The following SOX6 variants were observed in gnomAD, a reference collection of about 807,000 sequenced individuals.
SOX6 encodes SRY-box transcription factor 6.
In SOX6, 11 loss-of-function variants were observed where a neutral mutation model predicts 97.8. That is an observed-to-expected ratio of 0.11 (90% CI 0.07 to 0.19). The LOEUF (loss-of-function observed/expected upper bound fraction) is 0.19, where lower values mean the gene tolerates loss of function less well. Among genes scored for constraint, SOX6 ranks in the 10% least tolerant of loss-of-function variants. The pLI is 1.00. For synonymous variants in SOX6, 360 were observed against 371.4 expected, an observed-to-expected ratio of 0.97 and a Z score of 0.35; for missense variants, 810 against 1,039.5, an observed-to-expected ratio of 0.78 and a Z score of 3.04.
At chr11:16,148,414 T>C (rs1008794501) in intron 6 of SOX6, among the ~76,000 whole-genome samples, 1 of 152,142 alleles carries the variant, frequency 6.6e-6, no homozygotes, top group Non-Finnish European at 1.5e-5. Flanking sequence ...GTAACTTTAT[T>C]GCAGGCACAT....
At chr11:16,128,292 T>G (rs1016331207) in intron 6 of SOX6, among the ~76,000 whole-genome samples, 7 of 152,204 alleles carry the variant, frequency 4.6e-5, no homozygotes, top group African/African-American at 1.7e-4. Flanking sequence ...TACATTCACA[T>G]AAAAATGTAA....
At chr11:16,506,401 T>A (rs1860789678) in intron 4 of SOX6, among the ~76,000 whole-genome samples, 1 of 152,216 alleles carries the variant, frequency 6.6e-6, no homozygotes, top group Non-Finnish European at 1.5e-5. Context: ...CCCCAATGCC[T>A]ATACCCCCAT....
chr11:16,672,299 T>C (rs959430057), intron 3 of SOX6, among the ~76,000 whole-genome samples: 1 of 152,142 alleles, frequency 6.6e-6, no homozygotes, highest in African/African-American at 2.4e-5. Flanking sequence ...CACATATCAA[T>C]ACTAACCTAA....
intron 12 of SOX6, among the ~76,000 whole-genome samples, chr11:16,028,584 T>A (rs1855272244): frequency 6.6e-6 from 1 of 152,224 alleles, no homozygotes; most frequent in Non-Finnish European, 1.5e-5. Context: ...TGTTCCCACA[T>A]CACTGTTACA....
intron 3 of SOX6, among the ~76,000 whole-genome samples, chr11:16,273,908 C>A (rs11023900): frequency 2.7e-3 from 408 of 151,894 alleles, no homozygotes; most frequent in South Asian, 5.4e-3. Flanking sequence ...AATTCATATA[C>A]ATATAGAATA....
Position 16,064,706 on chromosome 11 carries a change from G to A in SOX6, c.1102-8805C>T, listed in dbSNP as rs145327238. Among the ~76,000 whole-genome samples the A allele has an allele frequency of 8.0e-3, 1,209 of 151,744 alleles. 19 individuals carry two copies. Among genetic ancestry groups the A allele is most frequent in the African/African-American group, 0.027 (1,119 of 41,460 alleles). On this transcript the variant is annotated intron_variant, in intron 9 of 15. Transcript: ENST00000683767. ...TTTATCCCTGGGATGCAAGGATGGCGCAACATATACAAATCAATCAATGTG... is the reference window on the plus strand; with the variant it reads ...TTTATCCCTGGGATGCAAGGATGGCACAACATATACAAATCAATCAATGTG...
At position 16,717,582 on chromosome 11, in the gene SOX6, T is replaced by C. The variant is rs939007127; in HGVS notation, n.354-2677A>G. ...AAGAATTGGTAACCTATGTCCTTTG[T>C]ATATCTTTTTGAAACTTACTCTTCA... is the stretch of plus-strand genomic sequence containing the variant. On this transcript the variant is annotated intron_variant and non_coding_transcript_variant, in intron 2 of 5. Transcript: ENST00000524520. 2.6e-5 allele frequency among the ~76,000 whole-genome samples: 4 copies of C among 152,166 alleles called. No homozygotes were observed. In the East Asian group the frequency reaches 7.7e-4, roughly 29 times the overall value.
At position 16,034,699 on chromosome 11, in the gene SOX6, G is replaced by A. The variant is rs149688663; in HGVS notation, c.1623+11815C>T. ...GAAGGGAGTAGAACACATACACGAA[G>A]ACTTATACAGACAACACACATACAC... On this transcript the variant is annotated intron_variant, in intron 12 of 15. Transcript: ENST00000683767. Among the ~76,000 whole-genome samples, 27 of 152,174 alleles carry A rather than the reference G, an allele frequency of 1.8e-4. No individual in the cohort carries two copies. The East Asian group carries it at 5.0e-3, about 28-fold the overall frequency.
chr11:16,598,437 T>C (rs1848234629), intron 4 of SOX6, among the ~76,000 whole-genome samples: 1 of 152,078 alleles, frequency 6.6e-6, no homozygotes, highest in Admixed American at 6.5e-5. Context: ...AACAACCTGC[T>C]TAGCATCAAG....
chr11:16,118,926 A>G (rs767277189), intron 6 of SOX6, among the ~76,000 whole-genome samples: 20 of 152,154 alleles, frequency 1.3e-4, no homozygotes, highest in Non-Finnish European at 2.6e-4. Flanking sequence ...CTGTTGAAAG[A>G]AATGTTTCCA....
At chr11:16,161,205 G>T (rs1850740714) in intron 6 of SOX6, among the ~76,000 whole-genome samples, 1 of 151,946 alleles carries the variant, frequency 6.6e-6, no homozygotes, top group Admixed American at 6.6e-5. Flanking sequence ...TGGTTCTTAT[G>T]AGCCAGTGTG....
chr11:16,139,951 T>TTTTATATATA (rs1554935182), intron 6 of SOX6, among the ~76,000 whole-genome samples: 1 of 124,716 alleles, frequency 8.0e-6, no homozygotes, highest in Admixed American at 8.9e-5. Context: ...GGCTCATATA[T>TTTTATATATA]TATATATATA....
At chr11:16,197,436 C>T (rs1851813017) in intron 4 of SOX6, among the ~76,000 whole-genome samples, 1 of 152,164 alleles carries the variant, frequency 6.6e-6, no homozygotes, top group South Asian at 2.1e-4. Flanking sequence ...AATTACAGTG[C>T]TGAGTATATA....
At chr11:16,730,035 T>TATAC (rs1848337255) in intron 2 of SOX6, among the ~76,000 whole-genome samples, 1 of 148,658 alleles carries the variant, frequency 6.7e-6, no homozygotes, top group Admixed American at 6.8e-5. Context: ...CCTAAATATA[T>TATAC]ATATATATAT....
intron 4 of SOX6, among the ~76,000 whole-genome samples, chr11:16,190,080 A>C (rs1851588451): frequency 6.6e-6 from 1 of 152,222 alleles, no homozygotes; most frequent in Non-Finnish European, 1.5e-5. Context: ...AGTGAAGCCA[A>C]AAGATTTATA....
At chr11:16,004,758 C>T (rs1197837447) in intron 13 of SOX6, among the ~76,000 whole-genome samples, 1 of 152,046 alleles carries the variant, frequency 6.6e-6, no homozygotes, top group African/African-American at 2.4e-5. Flanking sequence ...ATTTAGTCAG[C>T]TCATCTTGGA....
Position 15,980,921 on chromosome 11 carries a change from T to A in SOX6, c.2183+5283A>T, listed in dbSNP as rs574945217. 2.6e-5 allele frequency among the ~76,000 whole-genome samples: 4 copies of A among 152,144 alleles called. No individual in the cohort carries two copies. In the South Asian group the frequency reaches 8.3e-4, roughly 32 times the overall value. ...TATTATATGCTAATCTATTCATGTATGTATCTGGCTTCTCCAACTATAGAA... is the reference window on the plus strand; with the variant it reads ...TATTATATGCTAATCTATTCATGTAAGTATCTGGCTTCTCCAACTATAGAA... On this transcript the variant is annotated intron_variant, in intron 15 of 15. Coordinates refer to ENST00000683767, the MANE Select transcript of SOX6 (RefSeq NM_001367873.1).
chr11:15,993,803 G>A (rs918898535), intron 13 of SOX6, among the ~76,000 whole-genome samples: 1 of 152,172 alleles, frequency 6.6e-6, no homozygotes, highest in African/African-American at 2.4e-5. Flanking sequence ...TTAAAGAGAA[G>A]ACGAAATTGA....
intron 4 of SOX6, among the ~76,000 whole-genome samples, chr11:16,191,349 T>G (rs1217067047): frequency 6.6e-6 from 1 of 151,996 alleles, no homozygotes; most frequent in Non-Finnish European, 1.5e-5. Flanking sequence ...TAGTCCCAGC[T>G]ACACAGAAGG....
Sources: allele counts gnomAD v4.1 joint callset (sites outside exome capture counted in the v4.1 genomes callset), GRCh38; gene constraint gnomAD v4.1.1; transcripts MANE v1.5; gene names NCBI Gene and HGNC (gene_info 2026-07-23, HGNC 2026-07-21).